PTCH1: variants seen among roughly 807,000 people sequenced by gnomAD.
PTCH1 encodes the protein protein patched homolog 1.
Under a neutral mutation model 144.6 loss-of-function variants are expected in PTCH1, and 14 were observed. The observed-to-expected ratio is 0.10, with a 90% CI of 0.06 to 0.15. The LOEUF (loss-of-function observed/expected upper bound fraction) is 0.15, where lower values mean the gene tolerates loss of function less well. Ranked by LOEUF, PTCH1 falls within the 10% of genes least tolerant of loss-of-function variation. The pLI is 1.00. For missense variants in PTCH1, 1,623 were observed against 1,948.3 expected, an observed-to-expected ratio of 0.83 and a Z score of 3.14; for synonymous variants, 833 against 793.6, an observed-to-expected ratio of 1.05 and a Z score of -0.83.
intron 12 of PTCH1, chr9:95,474,093 C>A: frequency 2.0e-6 from 1 of 504,520 alleles, no homozygotes; most frequent in South Asian, 1.5e-5. Context: ...GACCACCACA[C>A]CACAGGGTAT....
Position 95,486,678 on chromosome 9 carries a change from C to T in PTCH1, c.395-804G>A, listed in dbSNP as rs757804159. 9.9e-5 allele frequency among the ~76,000 whole-genome samples: 15 copies of T among 152,244 alleles called. No individual in the cohort carries two copies. The East Asian group carries it at 1.2e-3, about 12-fold the overall frequency. On this transcript the variant is annotated intron_variant, in intron 2 of 23. Coordinates refer to ENST00000331920, the MANE Select transcript of PTCH1 (RefSeq NM_000264.5). ...CAGCACGGGGTATGCCCAAAGCCAG[C>T]GCAGGAGCAGGTGACCAAAGAAAAC...
At chr9:95,453,684 G>T in intron 19 of PTCH1, 64 bp from the exon 20 acceptor site, 2 of 1,600,050 alleles carry the variant, frequency 1.2e-6, no homozygotes, top group Middle Eastern at 1.7e-4. Context: ...GCTCAGCTCT[G>T]TCCTAAATGT....
chr9:95,472,410 C>T (rs1040368865), intron 12 of PTCH1, among the ~76,000 whole-genome samples: 14 of 152,052 alleles, frequency 9.2e-5, no homozygotes, highest in African/African-American at 2.9e-4. Context: ...CGTCTGTGGA[C>T]GGGGTTAGGA....
chr9:95,464,955 G>A (rs951125641), intron 15 of PTCH1, among the ~76,000 whole-genome samples: 3 of 152,188 alleles, frequency 2.0e-5, no homozygotes, highest in East Asian at 1.9e-4. Flanking sequence ...GTGCTCTAGC[G>A]GACCCTGTAA....
upstream of PTCH1, among the ~76,000 whole-genome samples, chr9:95,512,615 T>C (rs1202149847): frequency 6.6e-6 from 1 of 152,152 alleles, no homozygotes; most frequent in Non-Finnish European, 1.5e-5. Context: ...TCTGCCCTTA[T>C]TTACATTTGT....
chr9:95,447,624 T>C (rs1411587186), intron 22 of PTCH1, among the ~76,000 whole-genome samples, 173 bp from the exon 23 acceptor site: 1 of 152,256 alleles, frequency 6.6e-6, no homozygotes, highest in Non-Finnish European at 1.5e-5. Context: ...CTCCAGGACC[T>C]GGCGGAGGAG....
chr9:95,511,514 G>C (rs1745915137), upstream of PTCH1, among the ~76,000 whole-genome samples: 1 of 152,218 alleles, frequency 6.6e-6, no homozygotes, highest in Non-Finnish European at 1.5e-5. Context: ...AGGGGGACCT[G>C]AGCACCGGGC....
chr9:95,479,221 C>A (rs1003376068), intron 7 of PTCH1, 74 bp from the exon 8 acceptor site: 1 of 1,586,762 alleles, frequency 6.3e-7, no homozygotes, highest in African/African-American at 1.3e-5. Flanking sequence ...AAATCCCCAG[C>A]CAGCTCCCCC....
At chr9:95,513,179 T>A (rs1844231600), upstream of PTCH1, among the ~76,000 whole-genome samples, 1 of 152,242 alleles carries the variant, frequency 6.6e-6, no homozygotes, top group Non-Finnish European at 1.5e-5. Flanking sequence ...TAAGCAATTG[T>A]GGAAGCCAGA....
At chr9:95,511,284 C>T (rs929980999), upstream of PTCH1, among the ~76,000 whole-genome samples, 1 of 151,892 alleles carries the variant, frequency 6.6e-6, no homozygotes, top group Non-Finnish European at 1.5e-5. Context: ...CGGCCTGCGC[C>T]TTCTCCTTCC....
In PTCH1 at chr9:95,508,729, G is replaced by T; in HGVS notation, c.-368C>A. 1 of 986,168 alleles carries T rather than the reference G, an allele frequency of 1.0e-6. No individual in the cohort carries two copies. Among genetic ancestry groups the T allele is most frequent in the Non-Finnish European group, 1.2e-6 (1 of 830,648 alleles). The allele number at this position is 986,168 out of a possible 1,614,324, so 61.1% of individuals were successfully genotyped here. ...GGGCGCTTCCGCGGCACTCCTTGCG[G>T]TCCCCAACTCCCCCTACCCGCCCCC... On this transcript the variant is annotated 5_prime_UTR_variant, in exon 1 of 24. Transcript: ENST00000331920.
At chr9:95,454,176 T>C (rs1435146728) in intron 19 of PTCH1, among the ~76,000 whole-genome samples, 1 of 152,230 alleles carries the variant, frequency 6.6e-6, no homozygotes, top group Non-Finnish European at 1.5e-5. Context: ...TTCTGAACAT[T>C]GTGTGGACAC....
At position 95,485,864 on chromosome 9, in the gene PTCH1, T is replaced by C. The variant is rs1485635434; in HGVS notation, c.405A>G (p.Arg135=). The C allele has an allele frequency of 1.9e-6, 3 of 1,614,228 alleles. No individual in the cohort carries two copies. The South Asian group carries it at 3.3e-5, about 18-fold the overall frequency. Residue 135 remains arginine, a synonymous_variant, in exon 3 of 24, where the codon CGA becomes CGG. Coordinates refer to ENST00000331920, the MANE Select transcript of PTCH1 (RefSeq NM_000264.5). Reference sequence around the variant, plus strand: ...GAGTATAATTTAATTCACGACTTACTCGTCCTCCAACTGACAAATATGTAC... The same window carrying C: ...GAGTATAATTTAATTCACGACTTACCCGTCCTCCAACTGACAAATATGTAC... ...VEELWVEVGG[R]VSRELNYTRQ...
At chr9:95,482,539 A>G in intron 3 of PTCH1, 1 of 364,590 alleles carries the variant, frequency 2.7e-6, no homozygotes. Context: ...GCCCAGCTGA[A>G]TTATCATAAA....
In PTCH1 at chr9:95,449,311, T is replaced by C. The variant is rs1319757275; in HGVS notation, c.3562A>G (p.Asn1188Asp). ...GGTGTGGGCAGGCGGTTCAAGCCGT[T>C]GGCTGGAGACACCTATTTAAGGGGA... ...FGPYPEVSPA[N>D]GLNRLPTPSP... Residue 1188 changes from asparagine (N) to aspartate (D), a missense_variant, in exon 22 of 24, where the codon AAC becomes GAC. Coordinates refer to ENST00000331920, the MANE Select transcript of PTCH1 (RefSeq NM_000264.5). The surrounding 1 kb of genome is among the most constrained non-coding windows in gnomAD (Gnocchi z 5.3). 1.3e-6 allele frequency: 2 copies of C among 1,551,670 alleles called. No homozygotes were observed. The highest frequency in any genetic ancestry group is 1.4e-5 in the African/African-American group (1 of 73,650).
chr9:95,477,813 A>C, intron 9 of PTCH1, 111 bp from the exon 10 acceptor site: 1 of 1,505,058 alleles, frequency 6.6e-7, no homozygotes. Flanking sequence ...AACTTATCCA[A>C]CAACAACAAA....
At chr9:95,453,005 G>A (rs754974466) in intron 20 of PTCH1, 1 of 277,846 alleles carries the variant, frequency 3.6e-6, no homozygotes, top group East Asian at 8.9e-5. Flanking sequence ...CTCTAGAAGA[G>A]AGCTTGTCTT....
In PTCH1 at chr9:95,458,443, C is replaced by A. The variant is rs1839164295; in HGVS notation, c.2888-150G>T. The A allele has an allele frequency of 9.9e-7, 1 of 1,014,916 alleles. No homozygotes were observed. The allele number at this position is 1,014,916 out of a possible 1,614,324, so 62.9% of individuals were successfully genotyped here. A position where few individuals can be genotyped will look rare whatever the true frequency, so the allele number is the denominator to read the frequency against. ...AACAATGCTGATCATAGCCTCCAGG[C>A]CTTTACGATCTTCCCATTTGGTTTA... On this transcript the variant is annotated intron_variant, in intron 17 of 23. Coordinates refer to ENST00000331920, the MANE Select transcript of PTCH1 (RefSeq NM_000264.5). The surrounding 1 kb of genome is among the most constrained non-coding windows in gnomAD (Gnocchi z 4.7).
rs1843340674 is a variant in PTCH1, at chr9:95,503,948, G to C, written c.394+2459C>G. Reference sequence around the variant, plus strand: ...GGAGAATGGCGTGAACCCAGGAAGTGGAGCTTGCAGTGAGCCGAGATTGCG... The same window carrying C: ...GGAGAATGGCGTGAACCCAGGAAGTCGAGCTTGCAGTGAGCCGAGATTGCG... On this transcript the variant is annotated intron_variant, in intron 2 of 23. Transcript: ENST00000331920. Among the ~76,000 whole-genome samples the C allele has an allele frequency of 4.1e-5, 4 of 96,716 alleles. No individual in the cohort carries two copies. The South Asian group carries it at 1.2e-3, about 29-fold the overall frequency. 63.4% of individuals were successfully genotyped at this position (96,716 alleles called of 152,430 possible).
Sources: gnomAD v4.1 joint callset for allele counts (sites outside exome capture counted in the v4.1 genomes callset) on GRCh38, gnomAD v4.1.1 for gene constraint, Gnocchi (gnomAD v3.1) non-coding constraint, MANE v1.5 for transcripts, NCBI Gene and HGNC (gene_info 2026-07-23, HGNC 2026-07-21) for gene names.